The following SLC14A2 variants were observed in gnomAD, a reference collection of about 807,000 sequenced individuals.
The protein encoded by SLC14A2 is urea transporter 2.
In SLC14A2, 91 loss-of-function variants were observed where a neutral mutation model predicts 104.6. The observed-to-expected ratio is 0.87, with a 90% CI of 0.73 to 1.04. The LOEUF (loss-of-function observed/expected upper bound fraction) is 1.04, where lower values mean the gene tolerates loss of function less well. SLC14A2 is among the 50% of genes least tolerant of loss of function. SLC14A2 has a pLI of 0.00. For missense variants in SLC14A2, 1,189 were observed against 1,156.0 expected, an observed-to-expected ratio of 1.03 and a Z score of -0.41; for synonymous variants, 476 against 466.4, an observed-to-expected ratio of 1.02 and a Z score of -0.27.
intron 1 of SLC14A2, among the ~76,000 whole-genome samples, chr18:45,368,742 C>T (rs1175549232): frequency 6.6e-6 from 1 of 152,210 alleles, no homozygotes; most frequent in African/African-American, 2.4e-5. Context: ...TCACAACCTG[C>T]TCTGAATTTC....
the SLC14A2 span, among the ~76,000 whole-genome samples, chr18:45,173,115 GTTTC>G: frequency 6.6e-6 from 1 of 152,148 alleles, no homozygotes; most frequent in Non-Finnish European, 1.5e-5. Flanking sequence ...GCAGTAATGA[GTTTC>G]TTATTAGCTG....
chr18:45,459,158 C>T (rs1028556810), intron 1 of SLC14A2, among the ~76,000 whole-genome samples: 1 of 152,162 alleles, frequency 6.6e-6, no homozygotes, highest in Non-Finnish European at 1.5e-5. Flanking sequence ...ACCAGCCAAG[C>T]TTGGAGATAG....
chr18:45,221,265 C>T (rs977674654), intron 1 of SLC14A2, among the ~76,000 whole-genome samples: 2 of 152,318 alleles, frequency 1.3e-5, no homozygotes, highest in East Asian at 1.9e-4. Flanking sequence ...TTTCAGTCTG[C>T]TCCATTGTTC....
At chr18:45,588,442 C>G (rs1228991510) in intron 2 of SLC14A2, among the ~76,000 whole-genome samples, 1 of 151,564 alleles carries the variant, frequency 6.6e-6, no homozygotes, top group East Asian at 2.0e-4. Context: ...GAGGCATTCT[C>G]CCTAATGAAG....
chr18:45,518,214 C>T (rs1240027901), intron 2 of SLC14A2, among the ~76,000 whole-genome samples: 1 of 152,162 alleles, frequency 6.6e-6, no homozygotes, highest in Non-Finnish European at 1.5e-5. Flanking sequence ...TTGAGATTGT[C>T]CATCTCATTT....
intron 1 of SLC14A2, among the ~76,000 whole-genome samples, chr18:45,468,334 C>A (rs1384311919): frequency 6.6e-6 from 1 of 151,896 alleles, no homozygotes. Flanking sequence ...AGGGAGAAAT[C>A]AAAAGCAAAA....
the SLC14A2 span, among the ~76,000 whole-genome samples, chr18:45,195,924 C>T: frequency 2.0e-5 from 3 of 151,986 alleles, no homozygotes; most frequent in Non-Finnish European, 4.4e-5. Context: ...AAGAAAAATT[C>T]GTGAATCGGG....
At chr18:45,338,085 G>C (rs2085353785) in intron 1 of SLC14A2, among the ~76,000 whole-genome samples, 1 of 152,178 alleles carries the variant, frequency 6.6e-6, no homozygotes, top group Non-Finnish European at 1.5e-5. Context: ...CAAGTGTATA[G>C]ACAAAGCTTA....
chr18:45,383,570 A>T (rs2085861673), intron 1 of SLC14A2, among the ~76,000 whole-genome samples: 1 of 152,190 alleles, frequency 6.6e-6, no homozygotes, highest in Non-Finnish European at 1.5e-5. Flanking sequence ...ATTTTCATGT[A>T]GGCAATATTT....
intron 1 of SLC14A2, among the ~76,000 whole-genome samples, chr18:45,305,841 C>G (rs1476171367): frequency 6.6e-6 from 1 of 152,084 alleles, no homozygotes; most frequent in South Asian, 2.1e-4. Flanking sequence ...TATTTTGGCT[C>G]ATTAATTTCA....
chr18:45,233,211 T>C lies in SLC14A2; in HGVS notation c.-125+20020T>C, dbSNP rs543505404. 3.3e-5 allele frequency among the ~76,000 whole-genome samples: 5 copies of C among 152,320 alleles called. No homozygotes were observed. The South Asian group carries it at 8.3e-4, about 25-fold the overall frequency. ...TCACACAGAACCTGAGTGAACATCT[T>C]CCTGCAACACTGAAGAAGGGATTCC... On this transcript the variant is annotated intron_variant, in intron 1 of 20. Coordinates refer to the SLC14A2 transcript ENST00000586448.
chr18:45,272,972 A>G (rs1028703142), intron 1 of SLC14A2, among the ~76,000 whole-genome samples: 1 of 152,072 alleles, frequency 6.6e-6, no homozygotes, highest in Non-Finnish European at 1.5e-5. Context: ...CATTAAGTAA[A>G]CCCTACACTG....
Position 45,543,639 on chromosome 18 carries a change from T to C in SLC14A2, c.-35+60317T>C, listed in dbSNP as rs150040498. 2.0e-3 allele frequency among the ~76,000 whole-genome samples: 308 copies of C among 152,300 alleles called. 4 individuals are homozygous for C. The East Asian group carries it at 0.029, about 14-fold the overall frequency. ...TTGGCTACACCTGTAACCCTTTCCC[T>C]TTTTCTCTCTACCTTCCTAAAACAT... is the stretch of plus-strand genomic sequence containing the variant. On this transcript the variant is annotated intron_variant, in intron 2 of 20. Coordinates refer to the SLC14A2 transcript ENST00000586448.
At chr18:45,506,673 AT>A (rs1182197032) in intron 2 of SLC14A2, among the ~76,000 whole-genome samples, 1 of 151,972 alleles carries the variant, frequency 6.6e-6, no homozygotes, top group Non-Finnish European at 1.5e-5. Flanking sequence ...TGGCCAGAAA[AT>A]TTTTTCTCTA....
intron 1 of SLC14A2, among the ~76,000 whole-genome samples, chr18:45,364,810 G>T (rs932454109): frequency 6.6e-6 from 1 of 152,082 alleles, no homozygotes; most frequent in African/African-American, 2.4e-5. Flanking sequence ...GTAAGAATGG[G>T]TTCTCTTTTA....
At chr18:45,449,192 CT>C (rs2144606381) in intron 1 of SLC14A2, among the ~76,000 whole-genome samples, 1 of 152,286 alleles carries the variant, frequency 6.6e-6, no homozygotes, top group East Asian at 1.9e-4. Context: ...TCTTTGAGTC[CT>C]TTGTCTGGAC....
chr18:45,548,547 T>TA (rs1372608857), intron 2 of SLC14A2, among the ~76,000 whole-genome samples: 3 of 151,854 alleles, frequency 2.0e-5, no homozygotes, highest in African/African-American at 2.4e-5. Context: ...CTACAAAAAA[T>TA]AAAAAAATTA....
chr18:45,334,776 A>T lies in SLC14A2; in HGVS notation c.-125+121585A>T, dbSNP rs76093157. On this transcript the variant is annotated intron_variant, in intron 1 of 20. Coordinates refer to the SLC14A2 transcript ENST00000586448. ...CTGGGAGCAAGCCTGCAGCACAGGTAGCCCTAGGTGAATGGTGACTGTGAT... is the reference window on the plus strand; with the variant it reads ...CTGGGAGCAAGCCTGCAGCACAGGTTGCCCTAGGTGAATGGTGACTGTGAT... Among the ~76,000 whole-genome samples the T allele has an allele frequency of 5.6e-3, 855 of 152,280 alleles. 6 individuals carry two copies. The highest frequency in any genetic ancestry group is 0.019 in the African/African-American group (802 of 41,562).
chr18:45,199,692 G>C, the SLC14A2 span, among the ~76,000 whole-genome samples: 1 of 152,118 alleles, frequency 6.6e-6, no homozygotes, highest in South Asian at 2.1e-4. Context: ...AAAGCCATTT[G>C]ATGTCACCTC....
Sources: gnomAD v4.1 joint callset for allele counts (sites outside exome capture counted in the v4.1 genomes callset) on GRCh38, gnomAD v4.1.1 for gene constraint, MANE v1.5 for transcripts, NCBI Gene and HGNC (gene_info 2026-07-23, HGNC 2026-07-21) for gene names.